Variants in RNF19A observed in about 807,000 individuals in gnomAD.
RNF19A encodes ring finger protein 19A, RBR E3 ubiquitin protein ligase.
In RNF19A, 32 loss-of-function variants were observed where a neutral mutation model predicts 75.7. The ratio of observed to expected loss-of-function variants is 0.42; its 90% CI spans 0.32 to 0.57. RNF19A has a LOEUF of 0.57. Among genes scored for constraint, RNF19A ranks in the 20% least tolerant of loss-of-function variants. RNF19A has a pLI of 0.10. For synonymous variants in RNF19A, 335 were observed against 345.2 expected (o/e 0.97, Z 0.33); for missense variants, 782 against 1,036.3 (o/e 0.75, Z 3.37).
At chr8:100,262,090 A>G (rs192349005) in intron 7 of RNF19A, among the ~76,000 whole-genome samples, 46 of 152,332 alleles carry the variant, frequency 3.0e-4, no homozygotes. Context: ...CAGTAAGAAT[A>G]GGCTAAAAGT....
upstream of RNF19A, chr8:100,310,243 A>G (rs1822252183): frequency 3.0e-6 from 3 of 984,990 alleles, no homozygotes; most frequent in South Asian, 9.4e-5. Flanking sequence ...GCGGCTCTGG[A>G]CGCGGCTGTT....
chr8:100,300,857 C>T (rs948724441), intron 1 of RNF19A, among the ~76,000 whole-genome samples: 1 of 152,006 alleles, frequency 6.6e-6, no homozygotes, highest in Non-Finnish European at 1.5e-5. Flanking sequence ...CAAGAAGATA[C>T]AAAGAGTGAA....
At chr8:100,295,055 T>C (rs1821490013) in intron 1 of RNF19A, among the ~76,000 whole-genome samples, 1 of 152,136 alleles carries the variant, frequency 6.6e-6, no homozygotes, top group Non-Finnish European at 1.5e-5. Context: ...ATAGACAAGG[T>C]CCCTATTCTG....
rs893623293 is a variant in RNF19A, at chr8:100,270,206, C to A, written c.884-193G>T. Among the ~76,000 whole-genome samples, 3 of 151,948 alleles carry A rather than the reference C, an allele frequency of 2.0e-5. No homozygotes were observed. The South Asian group carries it at 6.2e-4, about 32-fold the overall frequency. On this transcript the variant is annotated intron_variant, in intron 3 of 9. Coordinates refer to ENST00000341084, the MANE Select transcript of RNF19A (RefSeq NM_183419.4). ...GAAAACATACTTTACATTAAAATAT[C>A]AAGTTATAAACATTTTTAAAACATA...
chr8:100,274,908 TG>T (rs1554668722), intron 3 of RNF19A, 44 bp downstream of exon 3: 18 of 1,445,230 alleles, frequency 1.2e-5, no homozygotes, highest in Non-Finnish European at 1.5e-5. Flanking sequence ...AAATAACTAG[TG>T]TTTTGTGTCA....
At chr8:100,328,795 G>A (rs1028717807) in intron 1 of RNF19A, among the ~76,000 whole-genome samples, 11 of 152,152 alleles carry the variant, frequency 7.2e-5, no homozygotes, top group Non-Finnish European at 1.2e-4. Context: ...AGACAGCAAT[G>A]GTTGTGCAAA....
intron 1 of RNF19A, among the ~76,000 whole-genome samples, chr8:100,298,304 T>C (rs1821667274): frequency 6.6e-6 from 1 of 151,984 alleles, no homozygotes; most frequent in South Asian, 2.1e-4. Context: ...TTGGAATACA[T>C]TATTAAAGTA....
At position 100,324,288 on chromosome 8, in the gene RNF19A, C is replaced by A. The variant is rs568503977; in HGVS notation, c.-242-10916G>T. Among the ~76,000 whole-genome samples the A allele has an allele frequency of 1.9e-4, 29 of 152,238 alleles. No individual in the cohort carries two copies. The highest frequency in any genetic ancestry group is 6.0e-4 in the African/African-American group (25 of 41,530). ...TGGCAAGCATTTTGGGGTATAGAAA[C>A]AATACTTGAGACTATTTTCAGAAGT... On this transcript the variant is annotated intron_variant, in intron 1 of 3. Coordinates refer to the RNF19A transcript ENST00000519527. This position sits in a 1 kb window ranked among gnomAD's most constrained non-coding sequence, Gnocchi z 4.2.
intron 1 of RNF19A, among the ~76,000 whole-genome samples, chr8:100,291,078 A>G (rs1489025862): frequency 1.3e-5 from 2 of 152,166 alleles, no homozygotes; most frequent in Non-Finnish European, 2.9e-5. Flanking sequence ...TTGTATGTAT[A>G]AAGAAGAGAA....
chr8:100,294,623 G>A (rs1821467344), intron 1 of RNF19A, among the ~76,000 whole-genome samples: 1 of 151,944 alleles, frequency 6.6e-6, no homozygotes, highest in South Asian at 2.1e-4. Context: ...TTGATTTTCT[G>A]CTTGACTTTC....
rs978599893 is a variant in RNF19A, at chr8:100,322,404, C to G, written c.-242-9032G>C. Among the ~76,000 whole-genome samples, 2 of 152,254 alleles carry G rather than the reference C, an allele frequency of 1.3e-5. No homozygotes were observed. Among genetic ancestry groups the G allele is most frequent in the East Asian group, 3.8e-4 (2 of 5,206 alleles). ...GCTTCAAACTTTTCTTCTGAAGCTT[C>G]CTTACCTCTCAGCTTTCATAAAATT... On this transcript the variant is annotated intron_variant, in intron 1 of 3. Transcript: ENST00000519527. The surrounding 1 kb of genome is among the most constrained non-coding windows in gnomAD (Gnocchi z 5.1).
At chr8:100,301,069 G>A (rs1208377886) in intron 1 of RNF19A, among the ~76,000 whole-genome samples, 2 of 152,150 alleles carry the variant, frequency 1.3e-5, no homozygotes, top group South Asian at 2.1e-4. Flanking sequence ...TAGTAGGTTC[G>A]ATGTATCACC....
At chr8:100,290,982 T>TA (rs1046657384) in intron 1 of RNF19A, among the ~76,000 whole-genome samples, 6 of 152,124 alleles carry the variant, frequency 3.9e-5, no homozygotes, top group African/African-American at 1.4e-4. Context: ...AGGCAGTCCT[T>TA]AGAGGTCAAC....
chr8:100,321,356 T>C (rs766839946), intron 1 of RNF19A, among the ~76,000 whole-genome samples: 11 of 152,252 alleles, frequency 7.2e-5, no homozygotes, highest in Non-Finnish European at 1.3e-4. Context: ...CTAAAGAAAC[T>C]ACTTTCTTTC....
chr8:100,314,952 A>G (rs527742215), upstream of RNF19A, among the ~76,000 whole-genome samples: 3 of 152,330 alleles, frequency 2.0e-5, no homozygotes, highest in East Asian at 1.9e-4. This position sits in a 1 kb window ranked among gnomAD's most constrained non-coding sequence, Gnocchi z 4.1. Flanking sequence ...CGAGACACCA[A>G]TATGGTAAAG....
At position 100,325,443 on chromosome 8, in the gene RNF19A, T is replaced by C. The variant is rs1335151961; in HGVS notation, c.-243+10665A>G. Among the ~76,000 whole-genome samples the C allele has an allele frequency of 6.6e-6, 1 of 152,196 alleles. No homozygotes were observed. The highest frequency in any genetic ancestry group is 1.5e-5 in the Non-Finnish European group (1 of 68,026). Reference sequence around the variant, plus strand: ...CTGTTTAACCTGGCCAGTTTCATGATCTCTGATGCTGGTGAGACCACACCT... The same window carrying C: ...CTGTTTAACCTGGCCAGTTTCATGACCTCTGATGCTGGTGAGACCACACCT... On this transcript the variant is annotated intron_variant, in intron 1 of 3. Coordinates refer to the RNF19A transcript ENST00000519527. The surrounding 1 kb of genome is among the most constrained non-coding windows in gnomAD (Gnocchi z 4.3).
In RNF19A at chr8:100,258,593, G is replaced by A. The variant is rs769692261; in HGVS notation, c.2480C>T (p.Thr827Ile). 1 of 1,613,010 alleles carries A rather than the reference G, an allele frequency of 6.2e-7. No individual in the cohort carries two copies. Among genetic ancestry groups the A allele is most frequent in the Non-Finnish European group, 8.5e-7 (1 of 1,179,612 alleles). Reference protein sequence around the residue: ...KETNNNHSHQTMELKVAIQTE... With the variant: ...KETNNNHSHQIMELKVAIQTE... ...CTGAATTGCAACTTTTAATTCCATT[G>A]TCTGATGTGAGTGGTTGTTATTTGT... The change falls in exon 10 of 10, where the codon ACA (threonine) becomes ATA (isoleucine). Residue 827 changes from threonine (T) to isoleucine (I), a missense_variant. Thr to Ile is a moderately conservative substitution (Grantham distance 89, BLOSUM62 -1). Around this residue, in one of 7 missense-constraint regions of RNF19A, gnomAD observed 442 missense variants for 541.6 expected, o/e 0.82. Coordinates refer to ENST00000341084, the MANE Select transcript of RNF19A (RefSeq NM_183419.4). The surrounding 1 kb of genome is among the most constrained non-coding windows in gnomAD (Gnocchi z 4.3).
chr8:100,286,558 T>C (rs1270084403), intron 2 of RNF19A, among the ~76,000 whole-genome samples: 1 of 152,224 alleles, frequency 6.6e-6, no homozygotes, highest in African/African-American at 2.4e-5. Context: ...TTTAAAATTA[T>C]GGAATGTAGG....
chr8:100,265,636 A>AT, intron 5 of RNF19A, among the ~76,000 whole-genome samples: 1 of 152,330 alleles, frequency 6.6e-6, no homozygotes, highest in Non-Finnish European at 1.5e-5. Context: ...AATGACTTAT[A>AT]AACAATACTA....
Sources: gnomAD v4.1 joint callset for allele counts (sites outside exome capture counted in the v4.1 genomes callset) on GRCh38, gnomAD v4.1.1 for gene constraint, gnomAD v4.1.1 regional missense constraint, Gnocchi (gnomAD v3.1) non-coding constraint, MANE v1.5 for transcripts, NCBI Gene and HGNC (gene_info 2026-07-23, HGNC 2026-07-21) for gene names.